The following ANKRD30B variants were observed in gnomAD, a reference collection of about 807,000 sequenced individuals.
ANKRD30B encodes ankyrin repeat domain-containing protein 30B.
In ANKRD30B, 144 loss-of-function variants were observed where a neutral mutation model predicts 202.2. That is an observed-to-expected ratio of 0.71 (90% CI 0.62 to 0.82). The LOEUF is 0.82. Among genes scored for constraint, ANKRD30B ranks in the 40% least tolerant of loss-of-function variants. ANKRD30B has a pLI of 0.00. For missense variants in ANKRD30B, 1,487 were observed against 1,669.1 expected (o/e 0.89, Z 1.90); for synonymous variants, 508 against 561.3 (o/e 0.91, Z 1.34).
In ANKRD30B at chr18:14,765,462, G is replaced by GA. The variant is rs56315734; in HGVS notation, c.1225+1384dup. 1.4e-4 allele frequency among the ~76,000 whole-genome samples: 20 copies of GA among 143,790 alleles called. No homozygotes were observed. The South Asian group carries it at 1.5e-3, about 11-fold the overall frequency. 94.3% of individuals were successfully genotyped at this position (143,790 alleles called of 152,430 possible). On this transcript the variant is annotated intron_variant, in intron 7 of 43. Transcript: ENST00000690538. ...TGGGTGACAGAGCAACACTCCATCT[G>GA]AAAAAAAAAAAAGAAAAAGAAAAAG...
intron 32 of ANKRD30B, among the ~76,000 whole-genome samples, chr18:14,826,420 G>A (rs998414632): frequency 1.3e-5 from 2 of 152,152 alleles, no homozygotes; most frequent in African/African-American, 2.4e-5. Flanking sequence ...TTTTAGAGTT[G>A]TTAGGTATAA....
At chr18:14,935,280 G>T in the ANKRD30B span, among the ~76,000 whole-genome samples, 1 of 152,194 alleles carries the variant, frequency 6.6e-6, no homozygotes, top group African/African-American at 2.4e-5. Flanking sequence ...CTCACTTAGA[G>T]GATGAGCTTT....
the ANKRD30B span, among the ~76,000 whole-genome samples, chr18:14,931,352 G>C: frequency 6.6e-6 from 1 of 152,130 alleles, no homozygotes; most frequent in Admixed American, 6.5e-5. Context: ...CGAGTATTTT[G>C]ATCTCCAGTG....
the ANKRD30B span, among the ~76,000 whole-genome samples, chr18:14,907,144 T>A: frequency 6.6e-6 from 1 of 152,072 alleles, no homozygotes; most frequent in Non-Finnish European, 1.5e-5. Flanking sequence ...TGTGTTGATG[T>A]TAATGCTGGA....
At chr18:14,788,094 C>T (rs1390079674) in intron 15 of ANKRD30B, among the ~76,000 whole-genome samples, 1 of 152,106 alleles carries the variant, frequency 6.6e-6, no homozygotes, top group East Asian at 1.9e-4. Context: ...TCTAAAAGTT[C>T]AAGACAGACA....
chr18:14,830,380 TAAG>T (rs1970856300), intron 33 of ANKRD30B: 1 of 152,520 alleles, frequency 6.6e-6, no homozygotes, highest in Non-Finnish European at 1.5e-5. Context: ...AAGTATAAAA[TAAG>T]TAGTTAGACT....
chr18:14,874,232 G>A, the ANKRD30B span, among the ~76,000 whole-genome samples: 5 of 152,086 alleles, frequency 3.3e-5, no homozygotes, highest in Admixed American at 6.5e-5. Context: ...CGAAGACCCT[G>A]AACGCTCTTC....
chr18:14,939,394 A>AGG, the ANKRD30B span, among the ~76,000 whole-genome samples: 1 of 151,942 alleles, frequency 6.6e-6, no homozygotes, highest in Non-Finnish European at 1.5e-5. Context: ...CCTCACACCC[A>AGG]AGGTCCCTGT....
At chr18:14,758,590 A>C (rs1327087942) in intron 5 of ANKRD30B, among the ~76,000 whole-genome samples, 1 of 152,140 alleles carries the variant, frequency 6.6e-6, no homozygotes, top group African/African-American at 2.4e-5. Flanking sequence ...ATTGTTTCCA[A>C]AGTACCAGCA....
At position 14,797,838 on chromosome 18, in the gene ANKRD30B, A is replaced by C. The variant is rs529980396; in HGVS notation, c.2013A>C (p.Arg671Ser). 39 of 1,549,848 alleles carry C rather than the reference A, an allele frequency of 2.5e-5. No individual in the cohort carries two copies. The African/African-American group carries it at 4.5e-4, about 18-fold the overall frequency. ...LPNKALELKDRETLKAESPDN... is the reference protein window; with the variant it reads ...LPNKALELKDSETLKAESPDN... ...ATAAAGCCTTAGAATTAAAGGACAG[A>C]GAAACACTCAAAGCAGGTACATTTT... The change falls in exon 20 of 44, where the codon AGA (arginine) becomes AGC (serine). Residue 671 changes from arginine (R) to serine (S), a missense_variant. By Grantham distance (110) the Arg-to-Ser change is moderately radical (BLOSUM62 -1). This residue lies in a region of ANKRD30B where 889 missense variants were observed against 841.4 expected (regional missense o/e 1.06). Coordinates refer to ENST00000690538, the MANE Select transcript of ANKRD30B (RefSeq NM_001367607.2).
At chr18:14,872,076 G>A in the ANKRD30B span, among the ~76,000 whole-genome samples, 3 of 152,092 alleles carry the variant, frequency 2.0e-5, no homozygotes, top group African/African-American at 7.2e-5. Flanking sequence ...ACTTGCCCAA[G>A]ATCACACAGC....
At chr18:14,898,080 G>A in the ANKRD30B span, among the ~76,000 whole-genome samples, 6 of 152,126 alleles carry the variant, frequency 3.9e-5, no homozygotes, top group Non-Finnish European at 8.8e-5. Flanking sequence ...ATCAGTTTTT[G>A]TGTAACCAAT....
chr18:14,808,114 G>T (rs530481161), intron 24 of ANKRD30B, among the ~76,000 whole-genome samples: 1 of 150,832 alleles, frequency 6.6e-6, no homozygotes, highest in Admixed American at 6.6e-5. Context: ...GCTACTTGCA[G>T]TATATTGACA....
At chr18:14,756,487 T>G (rs1164058113) in intron 4 of ANKRD30B, among the ~76,000 whole-genome samples, 1 of 152,238 alleles carries the variant, frequency 6.6e-6, no homozygotes, top group African/African-American at 2.4e-5. Context: ...CCCATGCCTA[T>G]GTCCTGAATG....
At chr18:14,808,973 C>T (rs1969735566) in intron 26 of ANKRD30B, among the ~76,000 whole-genome samples, 1 of 150,792 alleles carries the variant, frequency 6.6e-6, no homozygotes, top group South Asian at 2.1e-4. Flanking sequence ...GTCCAGCAGC[C>T]TGCAATGCAA....
At chr18:14,877,288 G>C in the ANKRD30B span, among the ~76,000 whole-genome samples, 2 of 141,146 alleles carry the variant, frequency 1.4e-5, no homozygotes, top group African/African-American at 5.3e-5. Flanking sequence ...TGCCTGGCAT[G>C]GAACGGGTAC....
chr18:14,833,884 C>CT (rs1424839297), intron 34 of ANKRD30B, among the ~76,000 whole-genome samples: 2 of 152,118 alleles, frequency 1.3e-5, no homozygotes, highest in Non-Finnish European at 2.9e-5. Context: ...TTACCCCAGA[C>CT]TTTTTTAATC....
the ANKRD30B span, chr18:14,915,536 C>T: frequency 2.0e-5 from 3 of 152,126 alleles, no homozygotes; most frequent in Non-Finnish European, 4.4e-5. Flanking sequence ...AGGTGAGTGC[C>T]TAGGCATTGC....
chr18:14,772,336 T>G, intron 9 of ANKRD30B, 108 bp downstream of exon 9: 1 of 657,538 alleles, frequency 1.5e-6, no homozygotes, highest in Non-Finnish European at 2.3e-6. Context: ...AATATAAAGT[T>G]GGTCAGATAA....
Sources: allele counts gnomAD v4.1 joint callset (sites outside exome capture counted in the v4.1 genomes callset), GRCh38; gene constraint gnomAD v4.1.1; regional missense constraint gnomAD v4.1.1; transcripts MANE v1.5; gene names NCBI Gene and HGNC (gene_info 2026-07-23, HGNC 2026-07-21).